Variants in CLASP2 observed in about 807,000 individuals in gnomAD.
CLASP2 encodes cytoplasmic linker associated protein 2.
CLASP2 carries 47 observed loss-of-function variants against 194.4 expected under a neutral mutation model. That is an observed-to-expected ratio of 0.24 (90% CI 0.19 to 0.31). The LOEUF (loss-of-function observed/expected upper bound fraction) is 0.31, where lower values mean the gene tolerates loss of function less well. CLASP2 is among the 10% of genes least tolerant of loss of function. CLASP2 has a pLI of 1.00. For missense variants in CLASP2, 1,445 were observed against 1,823.6 expected (o/e 0.79, Z 3.78); for synonymous variants, 619 against 633.5 (o/e 0.98, Z 0.34).
chr3:33,577,210 C>T, intron 23 of CLASP2: 2 of 1,597,002 alleles, frequency 1.3e-6, no homozygotes, highest in Non-Finnish European at 1.7e-6. Flanking sequence ...ACCTGAGGCC[C>T]CATACACTTC....
intron 29 of CLASP2, among the ~76,000 whole-genome samples, chr3:33,552,867 C>T (rs1576339359): frequency 2.0e-5 from 3 of 152,100 alleles, no homozygotes. Flanking sequence ...ATTCCACATC[C>T]CCTCATTAGC....
chr3:33,521,719 C>T (rs1182825068), intron 34 of CLASP2, among the ~76,000 whole-genome samples: 1 of 152,218 alleles, frequency 6.6e-6, no homozygotes, highest in Non-Finnish European at 1.5e-5. Context: ...TAGGAAGCAT[C>T]AGGACTCTGT....
At chr3:33,526,864 C>T (rs546090522) in intron 34 of CLASP2, among the ~76,000 whole-genome samples, 34 of 152,134 alleles carry the variant, frequency 2.2e-4, no homozygotes, top group African/African-American at 6.5e-4. Flanking sequence ...TTAAACAACA[C>T]GCCCCTGAAT....
chr3:33,603,215 A>G, intron 17 of CLASP2, 90 bp from the exon 18 acceptor site: 2 of 1,341,276 alleles, frequency 1.5e-6, no homozygotes, highest in South Asian at 3.1e-5. Flanking sequence ...AGCTAATCTG[A>G]TGACAAATGG....
At chr3:33,686,991 A>C (rs931801280) in intron 5 of CLASP2, 69 bp downstream of exon 5, 2 of 838,300 alleles carry the variant, frequency 2.4e-6, no homozygotes, top group African/African-American at 1.8e-5. Flanking sequence ...TTAAAAATAG[A>C]ATAAGAGGAC....
At chr3:33,691,119 G>T (rs1042973532) in intron 2 of CLASP2, among the ~76,000 whole-genome samples, 5 of 152,162 alleles carry the variant, frequency 3.3e-5, no homozygotes, top group African/African-American at 1.2e-4. Flanking sequence ...ATGCAGCCCA[G>T]TTCCTAACAG....
intron 6 of CLASP2, among the ~76,000 whole-genome samples, chr3:33,679,694 C>A (rs1373990244): frequency 1.3e-5 from 2 of 152,150 alleles, no homozygotes; most frequent in Non-Finnish European, 2.9e-5. Flanking sequence ...CCACTAAATA[C>A]CTGTTAAAAT....
chr3:33,668,113 G>T (rs1350465018), intron 6 of CLASP2, among the ~76,000 whole-genome samples: 1 of 152,146 alleles, frequency 6.6e-6, no homozygotes, highest in Non-Finnish European at 1.5e-5. Flanking sequence ...CAGCTACTTG[G>T]GAGGCTGAGG....
In CLASP2 at chr3:33,538,946, T is replaced by G. The variant is rs772999254; in HGVS notation, c.3405-4A>C. 10 of 1,552,078 alleles carry G rather than the reference T, an allele frequency of 6.4e-6. No homozygotes were observed. The highest frequency in any genetic ancestry group is 1.7e-4 in the Middle Eastern group (1 of 5,776). ...TTCTGTGTCATAATCAAATGCACTATGAAAAAGACGACACTAATTTTTACT... is the reference window on the plus strand; with the variant it reads ...TTCTGTGTCATAATCAAATGCACTAGGAAAAAGACGACACTAATTTTTACT... On this transcript the variant is annotated splice_polypyrimidine_tract_variant and splice_region_variant and intron_variant, in intron 32 of 38. Coordinates refer to ENST00000682230, the MANE Select transcript of CLASP2 (RefSeq NM_001365631.1).
intron 37 of CLASP2, chr3:33,504,258 G>A (rs1339180304): frequency 6.6e-6 from 1 of 152,196 alleles, no homozygotes; most frequent in Non-Finnish European, 1.5e-5. Context: ...CATAGAGGAT[G>A]AACTTAAATC....
chr3:33,632,517 T>C (rs375290274), intron 8 of CLASP2, 146 bp from the exon 9 acceptor site: 18 of 637,338 alleles, frequency 2.8e-5, no homozygotes, highest in African/African-American at 1.9e-4. Context: ...ATTTAAAAAA[T>C]CTCCAACTTT....
chr3:33,689,619 CT>C (rs200924146), intron 3 of CLASP2: 226 of 406,194 alleles, frequency 5.6e-4, no homozygotes, highest in South Asian at 9.3e-4. Context: ...TATTAGTTAG[CT>C]TTTAAAAAAA....
chr3:33,679,530 A>T (rs1227817358), intron 6 of CLASP2, among the ~76,000 whole-genome samples: 1 of 152,210 alleles, frequency 6.6e-6, no homozygotes, highest in Non-Finnish European at 1.5e-5. Context: ...AACTCTTAAA[A>T]CTCAACAATA....
intron 25 of CLASP2, among the ~76,000 whole-genome samples, chr3:33,571,657 CA>C (rs1576595782): frequency 1.3e-5 from 2 of 149,486 alleles, no homozygotes; most frequent in East Asian, 4.0e-4. Context: ...ACCAAAAAAA[CA>C]AAAACAAATC....
intron 21 of CLASP2, 43 bp from the exon 22 acceptor site, chr3:33,584,963 A>C: frequency 6.6e-7 from 1 of 1,524,410 alleles, no homozygotes; most frequent in Non-Finnish European, 8.9e-7. Flanking sequence ...TGTAAATGCC[A>C]AGAGAATTTG....
rs1032368498 is a variant in CLASP2 at position 33,549,733 on chromosome 3, A to G, written c.3153+1519T>C. 2.1e-5 allele frequency among the ~76,000 whole-genome samples: 3 copies of G among 145,862 alleles called. No homozygotes were observed. The Admixed American group carries it at 2.2e-4, about 11-fold the overall frequency. ...ATCACAAAAAATGTATATTCTGTGTACTTTTTTTCTTTTTTTTTTTTTTAA... is the reference window on the plus strand; with the variant it reads ...ATCACAAAAAATGTATATTCTGTGTGCTTTTTTTCTTTTTTTTTTTTTTAA... On this transcript the variant is annotated intron_variant, in intron 30 of 38. Transcript: ENST00000682230.
chr3:33,665,682 A>G (rs901041647), intron 6 of CLASP2, among the ~76,000 whole-genome samples: 3 of 152,348 alleles, frequency 2.0e-5, no homozygotes, highest in Non-Finnish European at 4.4e-5. Context: ...GGATAAGTTC[A>G]TAACTTATCT....
intron 37 of CLASP2, among the ~76,000 whole-genome samples, chr3:33,508,128 G>A (rs1053573599): frequency 2.0e-5 from 3 of 151,480 alleles, no homozygotes; most frequent in Non-Finnish European, 2.9e-5. Flanking sequence ...CTGAATAGCT[G>A]GGACCATAGG....
At chr3:33,702,763 A>G (rs1317544320) in intron 1 of CLASP2, among the ~76,000 whole-genome samples, 7 of 152,148 alleles carry the variant, frequency 4.6e-5, no homozygotes, top group East Asian at 1.9e-4. Context: ...CAAATAACCC[A>G]TTTTTTAAAA....
Sources: allele counts gnomAD v4.1 joint callset (sites outside exome capture counted in the v4.1 genomes callset), GRCh38; gene constraint gnomAD v4.1.1; transcripts MANE v1.5; gene names NCBI Gene and HGNC (gene_info 2026-07-23, HGNC 2026-07-21).